STS: variants seen among roughly 807,000 people sequenced by gnomAD.
The protein encoded by STS is steroid sulfatase.
STS carries 7 observed loss-of-function variants against 26.8 expected under a neutral mutation model. The observed-to-expected ratio is 0.26, with a 90% CI of 0.15 to 0.49. The LOEUF is 0.49. Ranked by LOEUF, STS falls within the 20% of genes least tolerant of loss-of-function variation. The pLI is 0.98. For synonymous variants in STS, 199 were observed against 189.4 expected (o/e 1.05, Z -0.42); for missense variants, 434 against 465.6 (o/e 0.93, Z 0.63).
At chrX:7,294,578 T>C (rs1450005503) in intron 7 of STS, among the ~76,000 whole-genome samples, 1 of 111,950 alleles carries the variant, frequency 8.9e-6, no homozygotes, top group Non-Finnish European at 1.9e-5. Flanking sequence ...TAGTCACATC[T>C]CTAAGCACAA....
intron 1 of STS, among the ~76,000 whole-genome samples, chrX:7,156,617 G>A (rs1436509228): frequency 9.0e-6 from 1 of 111,650 alleles, no homozygotes; most frequent in Non-Finnish European, 1.9e-5. Context: ...CCTTCCTCCT[G>A]GTGTAAACTA....
intron 6 of STS, among the ~76,000 whole-genome samples, chrX:7,266,383 T>C (rs1180014850): frequency 8.9e-6 from 1 of 112,019 alleles, no homozygotes; most frequent in African/African-American, 3.2e-5. Flanking sequence ...AGATGCTTCA[T>C]TGGTTTGTGA....
intron 2 of STS, among the ~76,000 whole-genome samples, chrX:7,205,778 G>C (rs781622849): frequency 6.5e-5 from 7 of 108,052 alleles, no homozygotes; most frequent in African/African-American, 2.4e-4. Flanking sequence ...ACCATACCTG[G>C]CTAATTAAAA....
intron 1 of STS, among the ~76,000 whole-genome samples, chrX:7,174,134 A>G (rs780078787): frequency 6.3e-5 from 7 of 111,974 alleles, no homozygotes; most frequent in Non-Finnish European, 9.4e-5. Context: ...CAGAGAAGGG[A>G]AAAAAAGAAG....
At chrX:7,327,061 C>T (rs1445195141) in intron 9 of STS, among the ~76,000 whole-genome samples, 5 of 111,804 alleles carry the variant, frequency 4.5e-5, no homozygotes, top group Non-Finnish European at 7.5e-5. Flanking sequence ...TTGAGCGACG[C>T]TTATTATATT....
chrX:7,195,606 A>C (rs1179032325), intron 2 of STS, among the ~76,000 whole-genome samples: 3 of 112,629 alleles, frequency 2.7e-5, no homozygotes, highest in African/African-American at 9.7e-5. Context: ...CAAACACTCC[A>C]GCCAAACACT....
intron 2 of STS, among the ~76,000 whole-genome samples, chrX:7,213,957 C>T (rs945199190): frequency 9.0e-6 from 1 of 110,735 alleles, no homozygotes; most frequent in Non-Finnish European, 1.9e-5. Context: ...GTGGTACCTG[C>T]GTGTAGTCCC....
chrX:7,160,760 T>C (rs868672610), intron 1 of STS, among the ~76,000 whole-genome samples: 9 of 111,992 alleles, frequency 8.0e-5, no homozygotes, highest in Middle Eastern at 4.6e-3. Context: ...TGAGAAGGAA[T>C]TAACAGTTGT....
intron 8 of STS, among the ~76,000 whole-genome samples, chrX:7,307,194 T>C (rs766903613): frequency 1.8e-5 from 2 of 111,655 alleles, no homozygotes; most frequent in Admixed American, 1.9e-4. Flanking sequence ...ATAATCAATA[T>C]GTAATGTGGG....
chrX:7,156,630 A>T (rs1175636193), intron 1 of STS, among the ~76,000 whole-genome samples: 1 of 112,069 alleles, frequency 8.9e-6, no homozygotes, highest in Non-Finnish European at 1.9e-5. Context: ...GTAAACTAGG[A>T]TGCCAGTTAA....
At chrX:7,232,448 C>T (rs186767117) in intron 2 of STS, among the ~76,000 whole-genome samples, 1 of 111,815 alleles carries the variant, frequency 8.9e-6, no homozygotes, top group African/African-American at 3.2e-5. Flanking sequence ...GCATTTTGTT[C>T]TGTTGCAATT....
At chrX:7,160,864 G>T (rs1413694393) in intron 1 of STS, among the ~76,000 whole-genome samples, 3 of 112,054 alleles carry the variant, frequency 2.7e-5, no homozygotes, top group Non-Finnish European at 5.6e-5. Flanking sequence ...CTAAAGAGTG[G>T]AAAAAGAACA....
At chrX:7,278,810 G>A (rs1288662962) in intron 7 of STS, among the ~76,000 whole-genome samples, 1 of 111,781 alleles carries the variant, frequency 8.9e-6, no homozygotes, top group African/African-American at 3.3e-5. Flanking sequence ...ACTGGGCCCT[G>A]ATAGCACATG....
At chrX:7,204,063 G>A (rs1934131894) in intron 2 of STS, among the ~76,000 whole-genome samples, 2 of 112,149 alleles carry the variant, frequency 1.8e-5, no homozygotes, top group Non-Finnish European at 3.8e-5. Context: ...TGGGATTACA[G>A]GCATGAGCCA....
At chrX:7,216,618 G>A (rs1468889823) in intron 2 of STS, among the ~76,000 whole-genome samples, 2 of 111,940 alleles carry the variant, frequency 1.8e-5, no homozygotes, top group East Asian at 5.6e-4. Context: ...TTGCTCTGAG[G>A]CCAGACTGTT....
intron 9 of STS, among the ~76,000 whole-genome samples, chrX:7,330,584 G>C (rs916094015): frequency 1.8e-5 from 2 of 112,622 alleles, no homozygotes; most frequent in Admixed American, 1.9e-4. Flanking sequence ...GTCTAATGGA[G>C]ACAAGGAATG....
At position 7,205,684 on chromosome X, in the gene STS, G is replaced by C. The variant is rs1169815020; in HGVS notation, c.-5+14676G>C. Reference sequence around the variant, plus strand: ...GACAGTTTCTTGCTCTGTTGCAAGAGCAAGGCACTCCTGGCTGGAGTGCAG... The same window carrying C: ...GACAGTTTCTTGCTCTGTTGCAAGACCAAGGCACTCCTGGCTGGAGTGCAG... On this transcript the variant is annotated intron_variant, in intron 2 of 10. Transcript: ENST00000674429. 5.2e-5 allele frequency among the ~76,000 whole-genome samples: 5 copies of C among 96,482 alleles called. No individual in the cohort carries two copies. The East Asian group carries it at 1.6e-3, about 31-fold the overall frequency. The allele number at this position is 96,482 out of a possible 115,157, so 83.8% of individuals were successfully genotyped here.
intron 6 of STS, among the ~76,000 whole-genome samples, chrX:7,267,333 G>A (rs957158729): frequency 8.9e-6 from 1 of 112,147 alleles, no homozygotes; most frequent in Non-Finnish European, 1.9e-5. Flanking sequence ...TATGGTAATC[G>A]AGAAGTACCT....
At chrX:7,281,290 A>T (rs1048911366) in intron 7 of STS, among the ~76,000 whole-genome samples, 1 of 111,637 alleles carries the variant, frequency 9.0e-6, no homozygotes, top group East Asian at 2.8e-4. Flanking sequence ...TCATCTTTAG[A>T]TGGAGTTCCA....
Sources: gnomAD v4.1 joint callset for allele counts (sites outside exome capture counted in the v4.1 genomes callset) on GRCh38, gnomAD v4.1.1 for gene constraint, MANE v1.5 for transcripts, NCBI Gene and HGNC (gene_info 2026-07-23, HGNC 2026-07-21) for gene names.